The following CCDC88A variants were observed in gnomAD, a reference collection of about 807,000 sequenced individuals.
CCDC88A encodes girdin.
Under a neutral mutation model 234.3 loss-of-function variants are expected in CCDC88A, and 54 were observed. That is an observed-to-expected ratio of 0.23 (90% CI 0.19 to 0.29). CCDC88A has a LOEUF of 0.29. Ranked by LOEUF, CCDC88A falls within the 10% of genes least tolerant of loss-of-function variation. The pLI, the probability that CCDC88A is intolerant of heterozygous loss-of-function variation, is 1.00. For synonymous variants in CCDC88A, 753 were observed against 737.8 expected (o/e 1.02, Z -0.33); for missense variants, 1,832 against 2,123.4 (o/e 0.86, Z 2.70).
intron 22 of CCDC88A, chr2:55,312,815 T>C (rs373049453): frequency 0.026 from 2,011 of 78,288 alleles, 24 homozygotes; most frequent in Non-Finnish European, 0.051. Flanking sequence ...GTCTAATATA[T>C]AATATATTAT....
At chr2:55,333,330 T>C (rs1468201397) in intron 15 of CCDC88A, among the ~76,000 whole-genome samples, 2 of 152,154 alleles carry the variant, frequency 1.3e-5, no homozygotes, top group East Asian at 1.9e-4. Context: ...GCCAAACATA[T>C]ACCTTCTGAC....
intron 28 of CCDC88A, chr2:55,300,504 A>G (rs995849250): frequency 6.6e-6 from 1 of 152,522 alleles, no homozygotes. Flanking sequence ...AATACTCAAC[A>G]TTGCCCAAAA....
intron 26 of CCDC88A, 41 bp from the exon 27 acceptor site, chr2:55,302,113 G>A (rs773335706): frequency 6.8e-7 from 1 of 1,480,012 alleles, no homozygotes; most frequent in East Asian, 2.3e-5. Context: ...CATGGTTAAT[G>A]TATTTGTTCT....
At chr2:55,350,840 C>A (rs1329535708) in intron 8 of CCDC88A, among the ~76,000 whole-genome samples, 2 of 151,782 alleles carry the variant, frequency 1.3e-5, no homozygotes, top group Non-Finnish European at 2.9e-5. Flanking sequence ...TTTGTAGACA[C>A]GGGGTCTCAC....
At chr2:55,379,913 C>CTAAA (rs746468905) in intron 3 of CCDC88A, among the ~76,000 whole-genome samples, 3 of 149,692 alleles carry the variant, frequency 2.0e-5, no homozygotes, top group African/African-American at 4.9e-5. Context: ...AACTCCGTCT[C>CTAAA]TAAATAAATA....
At chr2:55,374,734 T>G in intron 4 of CCDC88A, 80 bp downstream of exon 4, 1 of 819,178 alleles carries the variant, frequency 1.2e-6, no homozygotes, top group East Asian at 2.5e-5. Flanking sequence ...TTAATGTATA[T>G]AAGCTCTTAG....
intron 8 of CCDC88A, chr2:55,349,869 C>G: frequency 3.9e-6 from 1 of 259,268 alleles, no homozygotes; most frequent in South Asian, 1.1e-4. Flanking sequence ...TTCATCTTTC[C>G]TGCCCTTCCA....
chr2:55,374,945 G>T, intron 3 of CCDC88A, 62 bp from the exon 4 acceptor site: 2 of 978,180 alleles, frequency 2.0e-6, no homozygotes, highest in Non-Finnish European at 3.2e-6. Flanking sequence ...TATTCATCAA[G>T]CTATAACTTA....
intron 6 of CCDC88A, among the ~76,000 whole-genome samples, chr2:55,362,684 T>C (rs1371758202): frequency 6.6e-6 from 1 of 151,950 alleles, no homozygotes; most frequent in African/African-American, 2.4e-5. Flanking sequence ...AAAAATAAAA[T>C]ATTAATATTT....
At chr2:55,358,844 T>C (rs1010194631) in intron 7 of CCDC88A, among the ~76,000 whole-genome samples, 9 of 152,144 alleles carry the variant, frequency 5.9e-5, no homozygotes, top group African/African-American at 2.2e-4. Context: ...AAGGACACTA[T>C]TCAGTTCTAT....
chr2:55,367,528 G>GTTTTTTTTTTTTTTTGTT lies in CCDC88A; in HGVS notation c.403-3496_403-3495insAACAAAAAAAAAAAAAAA. 1.7e-4 allele frequency among the ~76,000 whole-genome samples: 17 copies of GTTTTTTTTTTTTTTTGTT among 99,888 alleles called. 1 individual carries two copies. Among genetic ancestry groups the GTTTTTTTTTTTTTTTGTT allele is most frequent in the Non-Finnish European group, 2.9e-4 (15 of 51,146 alleles). 65.5% of individuals were successfully genotyped at this position (99,888 alleles called of 152,430 possible). The stretch of plus-strand genomic sequence containing the variant: ...TTGCTAGAAATTGTTTTATTTCCTT[G>GTTTTTTTTTTTTTTTGTT]TTTTTTTTTAAGAGACTGGGTCTTG... On this transcript the variant is annotated intron_variant, in intron 5 of 32. Transcript: ENST00000436346.
Position 55,334,699 on chromosome 2 carries a change from T to C in CCDC88A, c.2122A>G (p.Arg708Gly). ...GCACACTTCAAAGATTCTACATTCC[T>C]TCGCAGTTCTAAGTTTTCCTCATCA... ...QLDEENLELR[R>G]NVESLKCASM... The change falls in exon 15 of 33, where the codon AGG becomes GGG. Residue 708 changes from arginine (R) to glycine (G), a missense_variant. Physicochemically the swap from Arg to Gly is moderately radical, Grantham distance 125. Transcript: ENST00000436346. The surrounding 1 kb of genome is among the most constrained non-coding windows in gnomAD (Gnocchi z 6.1). 6.2e-7 allele frequency: 1 copy of C among 1,613,634 alleles called. No homozygotes were observed. The highest frequency in any genetic ancestry group is 8.5e-7 in the Non-Finnish European group (1 of 1,179,728).
chr2:55,338,127 A>G (rs1015736948), intron 13 of CCDC88A, among the ~76,000 whole-genome samples: 2 of 152,208 alleles, frequency 1.3e-5, no homozygotes, highest in Admixed American at 1.3e-4. Context: ...AAGAATTTAC[A>G]TATTAAACTT....
At chr2:55,312,393 T>G (rs1467478625) in intron 23 of CCDC88A, 41 bp downstream of exon 23, 20 of 1,571,804 alleles carry the variant, frequency 1.3e-5, no homozygotes, top group Non-Finnish European at 1.6e-5. Flanking sequence ...GATAAAATCA[T>G]GAGTAACATA....
At chr2:55,394,899 G>A (rs375064762) in intron 2 of CCDC88A, among the ~76,000 whole-genome samples, 32 of 151,778 alleles carry the variant, frequency 2.1e-4, no homozygotes, top group East Asian at 9.6e-4. Flanking sequence ...AGGCTGGAGT[G>A]CAATGGCACA....
intron 8 of CCDC88A, 75 bp from the exon 9 acceptor site, chr2:55,349,674 TATC>T (rs1669618975): frequency 1.1e-6 from 1 of 947,240 alleles, no homozygotes; most frequent in African/African-American, 1.6e-5. Context: ...AATATAAATG[TATC>T]ATCATCACTA....
rs571395222 is a variant in CCDC88A, at chr2:55,317,465, T to C, written c.3602+99A>G. On this transcript the variant is annotated intron_variant, in intron 20 of 32. Transcript: ENST00000436346. The surrounding 1 kb of genome is among the most constrained non-coding windows in gnomAD (Gnocchi z 4.2). ...CATGTAAATTTATATAAATTTCTTATGTAAACTAACATTAGATGTGTTTAA... is the reference window on the plus strand; with the variant it reads ...CATGTAAATTTATATAAATTTCTTACGTAAACTAACATTAGATGTGTTTAA... 3.5e-6 allele frequency: 4 copies of C among 1,129,168 alleles called. No individual in the cohort carries two copies. The Admixed American group carries it at 8.0e-5, about 23-fold the overall frequency. 69.9% of individuals were successfully genotyped at this position (1,129,168 alleles called of 1,614,324 possible). A position where few individuals can be genotyped will look rare whatever the true frequency, so the allele number is the denominator to read the frequency against.
At position 55,295,908 on chromosome 2, in the gene CCDC88A, C is replaced by T. The variant is rs751317578; in HGVS notation, c.5240G>A (p.Arg1747Gln). The T allele has an allele frequency of 1.2e-5, 20 of 1,613,872 alleles. No individual in the cohort carries two copies. Among genetic ancestry groups the T allele is most frequent in the African/African-American group, 5.3e-5 (4 of 74,904 alleles). Residue 1747 changes from arginine to glutamine, a missense_variant, in exon 31 of 33, where the codon CGG becomes CAG. Coordinates refer to ENST00000436346, the MANE Select transcript of CCDC88A (RefSeq NM_001365480.1). ...GKTPGDFYDR[R>Q]TTKPEFLRPG... ...TCTCAAAAACTCAGGCTTAGTTGTC[C>T]GTCTATCATAGAAGTCCCCTGGGGT...
intron 2 of CCDC88A, among the ~76,000 whole-genome samples, chr2:55,391,731 A>G (rs1288269723): frequency 6.6e-6 from 1 of 152,148 alleles, no homozygotes; most frequent in Non-Finnish European, 1.5e-5. Context: ...AGCATGGAGA[A>G]GAGGGGAGAA....
Sources: gnomAD v4.1 joint callset for allele counts (sites outside exome capture counted in the v4.1 genomes callset) on GRCh38, gnomAD v4.1.1 for gene constraint, Gnocchi (gnomAD v3.1) non-coding constraint, MANE v1.5 for transcripts, NCBI Gene and HGNC (gene_info 2026-07-23, HGNC 2026-07-21) for gene names.